SPATA6L: variants seen among roughly 807,000 people sequenced by gnomAD.
SPATA6L encodes the protein spermatogenesis associated 6-like protein.
In SPATA6L, 68 loss-of-function variants were observed where a neutral mutation model predicts 49.2. That is an observed-to-expected ratio of 1.38 (90% confidence interval 1.14 to 1.69). SPATA6L has a LOEUF of 1.69. Ranked by LOEUF, SPATA6L falls within the 40% of genes most tolerant of loss-of-function variation. The pLI is 0.00. For synonymous variants in SPATA6L, 198 were observed against 165.7 expected (o/e 1.19, Z -1.50); for missense variants, 668 against 464.3 (o/e 1.44, Z -4.03).
rs1186743519 is a variant in SPATA6L at position 4,646,555 on chromosome 9, T to C, written c.226+9486A>G. 49 of 1,444,050 alleles carry C rather than the reference T, an allele frequency of 3.4e-5. 1 individual carries two copies. In the Admixed American group the frequency reaches 1.1e-3, roughly 33 times the overall value. The allele number at this position is 1,444,050 out of a possible 1,614,324, so 89.5% of individuals were successfully genotyped here. ...TAAAAAGGAAAAAATGAGATTTTAA[T>C]ACTTCCAAAAATTGCCACAGTCTTT... On this transcript the variant is annotated intron_variant, in intron 3 of 11. Coordinates refer to ENST00000682582, the MANE Select transcript of SPATA6L (RefSeq NM_001353486.2).
chr9:4,629,767 G>GTATATATATATATATATATA (rs1423783733), intron 4 of SPATA6L, among the ~76,000 whole-genome samples: 6 of 88,898 alleles, frequency 6.7e-5, no homozygotes, highest in African/African-American at 3.8e-4. Context: ...GTGTGTGTGT[G>GTATATATATATATATATATA]TGTATATATA....
At chr9:4,605,800 G>C (rs965374577) in intron 9 of SPATA6L, among the ~76,000 whole-genome samples, 15 of 152,054 alleles carry the variant, frequency 9.9e-5, no homozygotes, top group African/African-American at 3.1e-4. Flanking sequence ...TCCGGTTTTC[G>C]GGGAGAGCCA....
At chr9:4,631,857 C>T (rs140165780) in intron 4 of SPATA6L, among the ~76,000 whole-genome samples, 25 of 152,206 alleles carry the variant, frequency 1.6e-4, no homozygotes, top group Non-Finnish European at 2.9e-4. Context: ...CCACCACTCA[C>T]CAGTTCTGTG....
intron 13 of SPATA6L, among the ~76,000 whole-genome samples, chr9:4,590,035 C>T (rs997784203): frequency 1.2e-4 from 18 of 152,064 alleles, no homozygotes; most frequent in Non-Finnish European, 2.4e-4. Flanking sequence ...GTGATTCTCC[C>T]GCCTCAGCCT....
intron 6 of SPATA6L, among the ~76,000 whole-genome samples, chr9:4,624,727 CAAAA>C (rs58455568): frequency 4.1e-5 from 3 of 72,498 alleles, no homozygotes; most frequent in African/African-American, 4.4e-5. Context: ...GACTCTGTCT[CAAAA>C]AAAAAAAAAA....
intron 3 of SPATA6L, chr9:4,646,289 C>T (rs1208040061): frequency 5.3e-6 from 2 of 379,476 alleles, no homozygotes; most frequent in African/African-American, 4.2e-5. Context: ...CATGAAACAC[C>T]ATAAAGTTAT....
At chr9:4,663,316 G>T in intron 1 of SPATA6L, 1 of 1,555,260 alleles carries the variant, frequency 6.4e-7, no homozygotes. Flanking sequence ...CACATTCGAT[G>T]ATGTCAACCT....
At chr9:4,619,269 G>C (rs1335760663) in intron 7 of SPATA6L, among the ~76,000 whole-genome samples, 4 of 148,742 alleles carry the variant, frequency 2.7e-5, no homozygotes, top group Admixed American at 2.1e-4. Context: ...GAGATTCTCT[G>C]CCTCAGCCTC....
chr9:4,658,537 T>A (rs1347452175), intron 2 of SPATA6L, among the ~76,000 whole-genome samples: 1 of 152,200 alleles, frequency 6.6e-6, no homozygotes. Flanking sequence ...ATGATTTGTT[T>A]GACTAGTAAT....
At chr9:4,650,099 A>T (rs772082034) in intron 3 of SPATA6L, among the ~76,000 whole-genome samples, 1 of 152,208 alleles carries the variant, frequency 6.6e-6, no homozygotes, top group Non-Finnish European at 1.5e-5. Flanking sequence ...TGAGACACAT[A>T]CTTGCTCAGT....
At chr9:4,642,463 T>C (rs912356443) in intron 3 of SPATA6L, among the ~76,000 whole-genome samples, 8 of 152,218 alleles carry the variant, frequency 5.3e-5, no homozygotes, top group African/African-American at 9.6e-5. Flanking sequence ...AAAGCACCTA[T>C]TCTTAAATTC....
At position 4,659,002 on chromosome 9, in the gene SPATA6L, C is replaced by G. The variant is rs988310679; in HGVS notation, c.177+2897G>C. Among the ~76,000 whole-genome samples the G allele has an allele frequency of 4.7e-5, 7 of 148,078 alleles. No homozygotes were observed. In the East Asian group the frequency reaches 1.4e-3, roughly 29 times the overall value. ...CAGAGCAAATTCAAAATTGATATAA[C>G]TAATAAGAAAATTATTGGGATGGGG... On this transcript the variant is annotated intron_variant, in intron 2 of 11. Transcript: ENST00000682582.
chr9:4,648,140 A>T (rs1478872751), intron 3 of SPATA6L, among the ~76,000 whole-genome samples: 1 of 152,134 alleles, frequency 6.6e-6, no homozygotes, highest in Non-Finnish European at 1.5e-5. Flanking sequence ...CAGCCATGAA[A>T]ACATGTTAAA....
intron 3 of SPATA6L, among the ~76,000 whole-genome samples, chr9:4,653,461 T>C (rs1437984881): frequency 1.3e-5 from 2 of 152,212 alleles, no homozygotes; most frequent in Non-Finnish European, 2.9e-5. Flanking sequence ...GTTTCTTAGA[T>C]ATGACACCAA....
rs1387738530 is a variant in SPATA6L, at chr9:4,663,905, A to G, written c.40-1869T>C. On this transcript the variant is annotated intron_variant, in intron 1 of 11. Coordinates refer to ENST00000682582, the MANE Select transcript of SPATA6L (RefSeq NM_001353486.2). The stretch of plus-strand genomic sequence containing the variant: ...GGATCGGGTAGTGGGAAAAGAGATT[A>G]TAATACTTGTCTTTCTCTCCTCTCC... 6.0e-5 allele frequency: 10 copies of G among 167,048 alleles called. No individual in the cohort carries two copies. The East Asian group carries it at 1.9e-3, about 32-fold the overall frequency. 10.3% of individuals were successfully genotyped at this position (167,048 alleles called of 1,614,324 possible).
intron 9 of SPATA6L, among the ~76,000 whole-genome samples, chr9:4,606,457 G>A (rs568533886): frequency 1.7e-4 from 8 of 47,354 alleles, no homozygotes; most frequent in Non-Finnish European, 2.4e-4. Flanking sequence ...ATCTGAGAAG[G>A]GGCAGACTGC....
rs569201618 is a variant in SPATA6L, at chr9:4,605,553, C to T, written c.996-113G>A. 126 of 684,512 alleles carry T rather than the reference C, an allele frequency of 1.8e-4. 1 individual carries two copies. The East Asian group carries it at 3.4e-3, about 18-fold the overall frequency. 42.4% of individuals were successfully genotyped at this position (684,512 alleles called of 1,614,324 possible). ...ACTTAATTATAATAAAAAACAGCAGCATGCAAAATGGTAAACATAGTGTGA... is the reference window on the plus strand; with the variant it reads ...ACTTAATTATAATAAAAAACAGCAGTATGCAAAATGGTAAACATAGTGTGA... On this transcript the variant is annotated intron_variant, in intron 9 of 11. Coordinates refer to ENST00000682582, the MANE Select transcript of SPATA6L (RefSeq NM_001353486.2).
rs758240252 is a variant in SPATA6L, at chr9:4,662,567, A to G, written c.40-531T>C. ...CCCGGCTCCGTGCATCGGAGAGCCC[A>G]GTTCACCGCCGCGGCTCCTTCCCCC... On this transcript the variant is annotated intron_variant, in intron 1 of 11. Coordinates refer to ENST00000682582, the MANE Select transcript of SPATA6L (RefSeq NM_001353486.2). This position sits in a 1 kb window ranked among gnomAD's most constrained non-coding sequence, Gnocchi z 4.9. 1.9e-6 allele frequency: 3 copies of G among 1,586,060 alleles called. No homozygotes were observed. The South Asian group carries it at 3.4e-5, about 18-fold the overall frequency.
chr9:4,591,113 G>A (rs1010983438), intron 13 of SPATA6L, among the ~76,000 whole-genome samples: 1 of 152,160 alleles, frequency 6.6e-6, no homozygotes, highest in Non-Finnish European at 1.5e-5. Context: ...CTTTTCCAAG[G>A]TGAAGGTAAG....
Sources: gnomAD v4.1 joint callset for allele counts (sites outside exome capture counted in the v4.1 genomes callset) on GRCh38, gnomAD v4.1.1 for gene constraint, Gnocchi (gnomAD v3.1) non-coding constraint, MANE v1.5 for transcripts, NCBI Gene and HGNC (gene_info 2026-07-23, HGNC 2026-07-21) for gene names.